NPC1: variants seen among roughly 807,000 people sequenced by gnomAD.
The protein encoded by NPC1 is Niemann-Pick C1 protein.
In NPC1, 85 loss-of-function variants were observed where a neutral mutation model predicts 140.4. The observed-to-expected ratio is 0.61, with a 90% CI of 0.51 to 0.72. The LOEUF (loss-of-function observed/expected upper bound fraction) is 0.72, where lower values mean the gene tolerates loss of function less well. NPC1 is among the 30% of genes least tolerant of loss of function. The pLI is 0.00. For missense variants in NPC1, 1,504 were observed against 1,623.8 expected (o/e 0.93, Z 1.27); for synonymous variants, 656 against 624.8 (o/e 1.05, Z -0.74).
rs1257362365 is a variant in NPC1 at position 23,545,062 on chromosome 18, AC to A, written c.1844del (p.Arg615LeufsTer11). ...AERSIEDELN[R>X]ESDSDVFTVV... ...CGGTGAAGACATCACTGTCACTTTCACGATTTAGTTCATCTTCAATACTTCG... is the reference window on the plus strand; with the variant it reads ...CGGTGAAGACATCACTGTCACTTTCAGATTTAGTTCATCTTCAATACTTCG... On this transcript the variant is annotated frameshift_variant, in exon 12 of 25. Coordinates refer to ENST00000269228, the MANE Select transcript of NPC1 (RefSeq NM_000271.5). LOFTEE classifies it high-confidence loss of function. 5 of 1,612,124 alleles carry A rather than the reference AC, an allele frequency of 3.1e-6. No individual in the cohort carries two copies. The highest frequency in any genetic ancestry group is 3.4e-6 in the Non-Finnish European group (4 of 1,178,622).
intron 3 of NPC1, among the ~76,000 whole-genome samples, chr18:23,512,305 G>A (rs183268040): frequency 1.3e-5 from 2 of 152,154 alleles, no homozygotes; most frequent in Non-Finnish European, 2.9e-5. Flanking sequence ...ACAGGCGTGA[G>A]CCACCATGCC....
chr18:23,511,718 A>G (rs2057863438), intron 3 of NPC1, among the ~76,000 whole-genome samples: 2 of 151,328 alleles, frequency 1.3e-5, no homozygotes, highest in South Asian at 2.1e-4. Context: ...ACTGGGTAGT[A>G]TTCCACTGTA....
At chr18:23,515,306 C>T (rs1339159281) in intron 3 of NPC1, among the ~76,000 whole-genome samples, 1 of 152,202 alleles carries the variant, frequency 6.6e-6, no homozygotes, top group Non-Finnish European at 1.5e-5. Context: ...CTAATCCACT[C>T]TTGGAGCCTT....
At chr18:23,574,752 AAAG>A (rs1403788865) in intron 1 of NPC1, among the ~76,000 whole-genome samples, 3 of 152,234 alleles carry the variant, frequency 2.0e-5, no homozygotes, top group African/African-American at 7.2e-5. Context: ...TTTAGGCCAC[AAAG>A]GAGGGAAATT....
At chr18:23,571,979 T>C (rs1388731457) in intron 3 of NPC1, 95 bp downstream of exon 3, 1 of 642,704 alleles carries the variant, frequency 1.6e-6, no homozygotes, top group East Asian at 3.3e-5. Flanking sequence ...ATATAATAAA[T>C]AAAAATATGT....
chr18:23,549,250 G>A (rs954262534), intron 10 of NPC1, among the ~76,000 whole-genome samples: 2 of 151,760 alleles, frequency 1.3e-5, no homozygotes, highest in Admixed American at 6.6e-5. Context: ...TGGCTGGAGT[G>A]CAGTGGCACA....
At chr18:23,554,064 C>T (rs2058913523) in intron 9 of NPC1, among the ~76,000 whole-genome samples, 1 of 152,108 alleles carries the variant, frequency 6.6e-6, no homozygotes, top group Non-Finnish European at 1.5e-5. Flanking sequence ...GGGTGAGAGG[C>T]AGCTGCACTC....
chr18:23,580,781 T>G (rs1355832168), intron 1 of NPC1, among the ~76,000 whole-genome samples: 1 of 152,128 alleles, frequency 6.6e-6, no homozygotes, highest in African/African-American at 2.4e-5. Context: ...GGGAGTGGCA[T>G]GAAGAATCCT....
At position 23,545,063 on chromosome 18, in the gene NPC1, C is replaced by A. The variant is rs773351341; in HGVS notation, c.1844G>T (p.Arg615Leu). ...AERSIEDELN[R>L]ESDSDVFTVV... ...GGTGAAGACATCACTGTCACTTTCACGATTTAGTTCATCTTCAATACTTCG... is the reference window on the plus strand; with the variant it reads ...GGTGAAGACATCACTGTCACTTTCAAGATTTAGTTCATCTTCAATACTTCG... Residue 615 changes from arginine (R) to leucine (L), a missense_variant, in exon 12 of 25, where the codon CGT (arginine) becomes CTT (leucine). By Grantham distance (102) the Arg-to-Leu change is moderately radical (BLOSUM62 -2). Transcript: ENST00000269228. 5 of 1,609,970 alleles carry A rather than the reference C, an allele frequency of 3.1e-6. No individual in the cohort carries two copies. Among genetic ancestry groups the A allele is most frequent in the Non-Finnish European group, 4.2e-6 (5 of 1,177,232 alleles).
chr18:23,582,143 GTTAA>G (rs745341762), intron 1 of NPC1: 5 of 152,186 alleles, frequency 3.3e-5, no homozygotes, highest in African/African-American at 7.2e-5. Context: ...TTTTAAATGG[GTTAA>G]TTCTTTTGAT....
At chr18:23,560,608 G>C in intron 5 of NPC1, 128 bp from the exon 6 acceptor site, 11 of 1,032,832 alleles carry the variant, frequency 1.1e-5, no homozygotes, top group Non-Finnish European at 1.5e-5. Flanking sequence ...AGAATTGGAG[G>C]TTTTAGTTTA....
chr18:23,542,777 G>A (rs912648879), intron 14 of NPC1, among the ~76,000 whole-genome samples: 3 of 152,326 alleles, frequency 2.0e-5, no homozygotes, highest in East Asian at 3.9e-4. Context: ...GGGAGCTGCT[G>A]CTTAGAGTGT....
chr18:23,533,586 C>A, intron 23 of NPC1, 69 bp from the exon 24 acceptor site: 5 of 1,462,996 alleles, frequency 3.4e-6, no homozygotes, highest in South Asian at 1.1e-5. Context: ...CACTTCCTTA[C>A]AAGGATTTCT....
chr18:23,586,476 CGGCAGCAGGCT>C lies in NPC1; in HGVS notation c.-144_-134del. ...GAGGAGCAGGAGCAGGCGCTGACCG[CGGCAGCAGGCT>C]GCGCGCGCCGGTCAGGAAGGAAGAA... On this transcript the variant is annotated 5_prime_UTR_variant, in exon 1 of 25. Coordinates refer to ENST00000269228, the MANE Select transcript of NPC1 (RefSeq NM_000271.5). The C allele has an allele frequency of 7.0e-7, 1 of 1,434,976 alleles. No homozygotes were observed. The allele number at this position is 1,434,976 out of a possible 1,614,324, so 88.9% of individuals were successfully genotyped here.
intron 11 of NPC1, among the ~76,000 whole-genome samples, chr18:23,547,374 GA>G (rs749827192): frequency 5.9e-5 from 9 of 152,030 alleles, no homozygotes; most frequent in Non-Finnish European, 1.0e-4. Flanking sequence ...TGTCTTTTAT[GA>G]CAGCACAATA....
At position 23,548,118 on chromosome 18, in the gene NPC1, A is replaced by G. The variant is rs771040873; in HGVS notation, c.1655-10T>C. ...TTATTGTAGTTTTGATCTAGAAAGGAAAAATGTGACATCAAAAAGCAGATT... is the reference window on the plus strand; with the variant it reads ...TTATTGTAGTTTTGATCTAGAAAGGGAAAATGTGACATCAAAAAGCAGATT... On this transcript the variant is annotated splice_polypyrimidine_tract_variant and intron_variant, in intron 10 of 24. Transcript: ENST00000269228. 6.5e-7 allele frequency: 1 copy of G among 1,534,820 alleles called. No homozygotes were observed. Among genetic ancestry groups the G allele is most frequent in the South Asian group, 1.1e-5 (1 of 89,446 alleles).
chr18:23,539,876 G>T lies in NPC1; in HGVS notation c.2730C>A (p.Gly910=), dbSNP rs749457981. ...TSSKGQNMVC[G]GMGCNNDSLV... Reference sequence around the variant, plus strand: ...GGGAATCATTGTTGCAGCCCATGCCGCCGCACACCATGTTCTGCCCCTTGG... The same window carrying T: ...GGGAATCATTGTTGCAGCCCATGCCTCCGCACACCATGTTCTGCCCCTTGG... Residue 910 remains glycine, a synonymous_variant, in exon 18 of 25, where the codon GGC becomes GGA. Coordinates refer to ENST00000269228, the MANE Select transcript of NPC1 (RefSeq NM_000271.5). 2 of 1,614,000 alleles carry T rather than the reference G, an allele frequency of 1.2e-6. No homozygotes were observed. Among genetic ancestry groups the T allele is most frequent in the Admixed American group, 3.3e-5 (2 of 60,000 alleles).
At chr18:23,566,803 T>C (rs2059132235) in intron 4 of NPC1, among the ~76,000 whole-genome samples, 1 of 152,246 alleles carries the variant, frequency 6.6e-6, no homozygotes, top group Non-Finnish European at 1.5e-5. Flanking sequence ...ATATAGAGTA[T>C]TTTCACCACC....
At chr18:23,518,906 G>A (rs1310152930), downstream of NPC1, 5 of 1,614,102 alleles carry the variant, frequency 3.1e-6, no homozygotes, top group South Asian at 3.3e-5. Context: ...GCAGCTGTAT[G>A]TTCTCTTCTT....
Sources: gnomAD v4.1 joint callset for allele counts (sites outside exome capture counted in the v4.1 genomes callset) on GRCh38, gnomAD v4.1.1 for gene constraint, MANE v1.5 for transcripts, NCBI Gene and HGNC (gene_info 2026-07-23, HGNC 2026-07-21) for gene names.